Variants in GTF3C1 observed in about 807,000 individuals in gnomAD.
The protein encoded by GTF3C1 is general transcription factor IIIC subunit 1, also known as general transcription factor 3C polypeptide 1.
In GTF3C1, 57 loss-of-function variants were observed where a neutral mutation model predicts 226.7. The observed-to-expected ratio is 0.25, with a 90% CI of 0.20 to 0.31. The LOEUF is 0.31. Among genes scored for constraint, GTF3C1 ranks in the 10% least tolerant of loss-of-function variants. The pLI, the probability that GTF3C1 is intolerant of heterozygous loss-of-function variation, is 1.00. For missense variants in GTF3C1, 2,217 were observed against 2,776.1 expected (o/e 0.80, Z 4.53); for synonymous variants, 1,090 against 1,084.8 (o/e 1.00, Z -0.09).
chr16:27,485,212 G>T (rs538980807), intron 24 of GTF3C1, among the ~76,000 whole-genome samples: 399 of 152,366 alleles, frequency 2.6e-3, no homozygotes, highest in African/African-American at 9.1e-3. Flanking sequence ...TGGGCACAAA[G>T]CCCCAGCTGG....
chr16:27,529,656 A>G (rs1419698239), intron 5 of GTF3C1, among the ~76,000 whole-genome samples: 1 of 152,206 alleles, frequency 6.6e-6, no homozygotes, highest in Non-Finnish European at 1.5e-5. Flanking sequence ...AAAGTAATTT[A>G]CTTGCCAAAA....
At chr16:27,541,687 G>A (rs903159210) in intron 2 of GTF3C1, among the ~76,000 whole-genome samples, 4 of 152,300 alleles carry the variant, frequency 2.6e-5, no homozygotes, top group East Asian at 1.9e-4. Context: ...TATTCTTGGC[G>A]AAGGAACAGC....
At chr16:27,508,253 C>A (rs1193553267) in intron 8 of GTF3C1, among the ~76,000 whole-genome samples, 1 of 152,182 alleles carries the variant, frequency 6.6e-6, no homozygotes, top group South Asian at 2.1e-4. Flanking sequence ...TCAGGTGATC[C>A]CCCTACCTCA....
intron 6 of GTF3C1, among the ~76,000 whole-genome samples, chr16:27,518,598 AG>A (rs1229877625): frequency 2.0e-5 from 3 of 152,226 alleles, no homozygotes; most frequent in Non-Finnish European, 4.4e-5. Flanking sequence ...TGAAAATATC[AG>A]AGAGTGCTTG....
At chr16:27,466,396 C>T (rs553045179) in intron 32 of GTF3C1, 1 of 152,316 alleles carries the variant, frequency 6.6e-6, no homozygotes, top group Admixed American at 6.5e-5. Context: ...CACCACAAAC[C>T]ATGCCCACAT....
intron 19 of GTF3C1, among the ~76,000 whole-genome samples, chr16:27,491,406 C>T (rs961421122): frequency 6.6e-6 from 1 of 152,178 alleles, no homozygotes; most frequent in African/African-American, 2.4e-5. Context: ...TGCATTTGAT[C>T]CACATTTACA....
At chr16:27,500,616 A>C (rs1268288310) in intron 12 of GTF3C1, among the ~76,000 whole-genome samples, 1 of 152,216 alleles carries the variant, frequency 6.6e-6, no homozygotes, top group Non-Finnish European at 1.5e-5. Context: ...TGGCTGTACC[A>C]TCACAAATTA....
In GTF3C1 at chr16:27,538,299, T is replaced by C; in HGVS notation, c.489A>G (p.Ile163Met). ...ASQAMRYRAL[I>M]GQEGDPDLKL... ...TCAGGTCGGGATCCCCCTCCTGGCCTATCAAGGCCCTGTACCGCATGGCCT... is the reference window on the plus strand; with the variant it reads ...TCAGGTCGGGATCCCCCTCCTGGCCCATCAAGGCCCTGTACCGCATGGCCT... Residue 163 changes from isoleucine to methionine, a missense_variant, in exon 3 of 37, where the codon ATA (isoleucine) becomes ATG (methionine). Around this residue, in one of 12 missense-constraint regions of GTF3C1, gnomAD observed 192 missense variants for 251.8 expected, o/e 0.76. Coordinates refer to ENST00000356183, the MANE Select transcript of GTF3C1 (RefSeq NM_001520.4). 6.2e-7 allele frequency: 1 copy of C among 1,608,066 alleles called. No homozygotes were observed. The highest frequency in any genetic ancestry group is 8.5e-7 in the Non-Finnish European group (1 of 1,174,782).
intron 2 of GTF3C1, among the ~76,000 whole-genome samples, chr16:27,540,045 T>C (rs916217301): frequency 3.9e-5 from 6 of 152,126 alleles, no homozygotes; most frequent in Non-Finnish European, 7.3e-5. Flanking sequence ...TTCTCAGCCC[T>C]AGTATTTGCA....
chr16:27,503,253 G>C (rs1005945398), intron 10 of GTF3C1, among the ~76,000 whole-genome samples: 5 of 152,182 alleles, frequency 3.3e-5, no homozygotes, highest in Non-Finnish European at 7.3e-5. Context: ...GAAATCAGAG[G>C]CATCTACTCC....
At chr16:27,511,927 A>T in intron 6 of GTF3C1, 26 bp from the exon 7 acceptor site, 1 of 1,612,886 alleles carries the variant, frequency 6.2e-7, no homozygotes, top group Non-Finnish European at 8.5e-7. Context: ...CGGGTTTGCC[A>T]GCAATGAGTG....
chr16:27,534,896 T>C (rs1480253108), intron 4 of GTF3C1, among the ~76,000 whole-genome samples: 1 of 151,744 alleles, frequency 6.6e-6, no homozygotes, highest in African/African-American at 2.4e-5. Context: ...TATATAAAAA[T>C]ATATTAGAAT....
chr16:27,522,878 G>A (rs192366144), intron 6 of GTF3C1, among the ~76,000 whole-genome samples: 1 of 152,224 alleles, frequency 6.6e-6, no homozygotes, highest in East Asian at 1.9e-4. Flanking sequence ...TTTTCAGATT[G>A]TGCACGGTGG....
intron 23 of GTF3C1, 121 bp downstream of exon 23, chr16:27,488,106 G>T: frequency 1.3e-6 from 1 of 788,600 alleles, no homozygotes; most frequent in Non-Finnish European, 2.1e-6. Flanking sequence ...GCCACACATC[G>T]AGGGAAGGCG....
chr16:27,499,856 A>C (rs560052746), intron 12 of GTF3C1, among the ~76,000 whole-genome samples: 1 of 152,242 alleles, frequency 6.6e-6, no homozygotes, highest in African/African-American at 2.4e-5. Flanking sequence ...AAAGGCTGCC[A>C]GCAGCACATG....
chr16:27,516,683 C>A (rs1158643081), intron 6 of GTF3C1, among the ~76,000 whole-genome samples: 1 of 152,236 alleles, frequency 6.6e-6, no homozygotes, highest in East Asian at 1.9e-4. Flanking sequence ...GCTTTGTCGT[C>A]CAGCCTGGAG....
At chr16:27,495,919 C>A (rs894451733) in intron 14 of GTF3C1, among the ~76,000 whole-genome samples, 2 of 152,250 alleles carry the variant, frequency 1.3e-5, no homozygotes, top group African/African-American at 4.8e-5. Context: ...GCAGCACCTG[C>A]GGCAGGAGGG....
At position 27,463,335 on chromosome 16, in the gene GTF3C1, G is replaced by A. The variant is rs538264800; in HGVS notation, c.5924+206C>T. The stretch of plus-strand genomic sequence containing the variant: ...TCTGGAAGCGCAGCCCTCATTCCAG[G>A]CCGACCTGGGCACTGCCAGTGCTCA... On this transcript the variant is annotated intron_variant, in intron 35 of 36. Transcript: ENST00000356183. The surrounding 1 kb of genome is among the most constrained non-coding windows in gnomAD (Gnocchi z 4.9). 5.3e-4 allele frequency: 318 copies of A among 603,362 alleles called. 1 individual carries two copies. Among genetic ancestry groups the A allele is most frequent in the Middle Eastern group, 9.1e-4 (2 of 2,206 alleles). The allele number at this position is 603,362 out of a possible 1,614,324, so 37.4% of individuals were successfully genotyped here.
intron 28 of GTF3C1, among the ~76,000 whole-genome samples, chr16:27,477,769 T>C (rs2087975387): frequency 6.6e-6 from 1 of 152,216 alleles, no homozygotes; most frequent in Admixed American, 6.5e-5. Context: ...AGTCAAAAGT[T>C]ACATGTGGGG....
Sources: allele counts gnomAD v4.1 joint callset (sites outside exome capture counted in the v4.1 genomes callset), GRCh38; gene constraint gnomAD v4.1.1; regional missense constraint gnomAD v4.1.1; non-coding constraint Gnocchi (gnomAD v3.1); transcripts MANE v1.5; gene names NCBI Gene and HGNC (gene_info 2026-07-23, HGNC 2026-07-21).